SLC25A16: variants seen among roughly 807,000 people sequenced by gnomAD.
SLC25A16 encodes solute carrier family 25 member 16, also known as mitochondrial coenzyme A transporter SLC25A16.
A neutral mutation model predicts 41.5 loss-of-function variants in SLC25A16; 39 were observed. The ratio of observed to expected loss-of-function variants is 0.94; its 90% CI spans 0.73 to 1.23. SLC25A16 has a LOEUF of 1.23. Ranked by LOEUF, SLC25A16 falls within the 50% of genes most tolerant of loss-of-function variation. The pLI is 0.00. For synonymous variants in SLC25A16, 146 were observed against 147.8 expected (o/e 0.99, Z 0.09); for missense variants, 421 against 426.9 (o/e 0.99, Z 0.12).
chr10:68,501,969 G>A (rs1354922816), intron 4 of SLC25A16, among the ~76,000 whole-genome samples: 1 of 152,084 alleles, frequency 6.6e-6, no homozygotes, highest in Admixed American at 6.6e-5. Context: ...AGGCCAAGGC[G>A]GGTGGATACC....
chr10:68,494,857 CGA>C (rs2052724133), intron 4 of SLC25A16, among the ~76,000 whole-genome samples: 1 of 139,340 alleles, frequency 7.2e-6, no homozygotes, highest in Non-Finnish European at 1.5e-5. Flanking sequence ...CCAGCCCGGG[CGA>C]CAAGAGTAAA....
intron 4 of SLC25A16, 143 bp from the exon 5 acceptor site, chr10:68,493,713 A>G (rs1256858092): frequency 1.5e-6 from 1 of 661,702 alleles, no homozygotes; most frequent in Non-Finnish European, 2.6e-6. Flanking sequence ...GAATTATACC[A>G]TATCATTAGA....
At chr10:68,485,796 ATAT>A (rs1246561278) in intron 8 of SLC25A16, among the ~76,000 whole-genome samples, 2 of 138,808 alleles carry the variant, frequency 1.4e-5, no homozygotes, top group Non-Finnish European at 3.0e-5. Context: ...CTCCTAAGCA[ATAT>A]TTTTTTTTTT....
chr10:68,527,477 G>A lies in SLC25A16; in HGVS notation c.-102C>T, dbSNP rs914422463. ...TGACAGGAGGCTGACCGCCCCGCCGGCGGGGCAAAGTAACACCCGGCGGCG... is the reference window on the plus strand; with the variant it reads ...TGACAGGAGGCTGACCGCCCCGCCGACGGGGCAAAGTAACACCCGGCGGCG... On this transcript the variant is annotated 5_prime_UTR_variant, in exon 1 of 9. Transcript: ENST00000609923. 1.7e-6 allele frequency: 2 copies of A among 1,202,708 alleles called. No individual in the cohort carries two copies. Among genetic ancestry groups the A allele is most frequent in the East Asian group, 3.0e-5 (1 of 32,956 alleles). 74.5% of individuals were successfully genotyped at this position (1,202,708 alleles called of 1,614,324 possible).
chr10:68,491,187 T>A (rs181791256), intron 6 of SLC25A16, among the ~76,000 whole-genome samples: 173 of 151,636 alleles, frequency 1.1e-3, no homozygotes, highest in African/African-American at 4.1e-3. Flanking sequence ...CCACACCACA[T>A]TTTAGTTTGC....
intron 1 of SLC25A16, among the ~76,000 whole-genome samples, chr10:68,520,913 A>C (rs1306480370): frequency 1.3e-5 from 2 of 151,734 alleles, no homozygotes; most frequent in African/African-American, 2.4e-5. Flanking sequence ...AGGCGGGCAG[A>C]TCGCAAGGTC....
intron 4 of SLC25A16, among the ~76,000 whole-genome samples, 165 bp downstream of exon 4, chr10:68,503,467 T>C (rs2052892722): frequency 6.6e-6 from 1 of 152,202 alleles, no homozygotes; most frequent in South Asian, 2.1e-4. Context: ...ACACTTTTTA[T>C]TTTAATACAT....
chr10:68,501,448 TG>T lies in SLC25A16; in HGVS notation c.421+2183del, dbSNP rs199601136. On this transcript the variant is annotated intron_variant, in intron 4 of 8. Coordinates refer to ENST00000609923, the MANE Select transcript of SLC25A16 (RefSeq NM_152707.4). ...TGTAAACTCATCCCACTACTCAGCC[TG>T]GGTAACAGAACAAGAGCCTATCTCA... is the stretch of plus-strand genomic sequence containing the variant. Among the ~76,000 whole-genome samples, 960 of 148,864 alleles carry T rather than the reference TG, an allele frequency of 6.4e-3. 8 individuals carry two copies. The highest frequency in any genetic ancestry group is 0.023 in the African/African-American group (907 of 40,230).
intron 4 of SLC25A16, among the ~76,000 whole-genome samples, chr10:68,495,719 T>C (rs755625949): frequency 1.4e-5 from 2 of 141,254 alleles, no homozygotes; most frequent in Non-Finnish European, 3.0e-5. Flanking sequence ...GAGGCAGAGA[T>C]TGCAGTGAGC....
intron 1 of SLC25A16, among the ~76,000 whole-genome samples, chr10:68,520,686 C>T (rs1408287046): frequency 6.6e-6 from 1 of 151,998 alleles, no homozygotes; most frequent in Non-Finnish European, 1.5e-5. Flanking sequence ...GTGGCACATG[C>T]CTGTAATCCC....
Position 68,481,341 on chromosome 10 carries a change from C to T in SLC25A16, c.*2091G>A, listed in dbSNP as rs1043541892. The T allele has an allele frequency of 3.9e-5, 6 of 152,248 alleles. No individual in the cohort carries two copies. The highest frequency in any genetic ancestry group is 3.3e-4 in the Admixed American group (5 of 15,288). 9.4% of individuals were successfully genotyped at this position (152,248 alleles called of 1,614,324 possible). ...CTTATAAATCATACAAAGATACATA[C>T]TTATTTTTAAAATAAAGGCTTTCAA... On this transcript the variant is annotated 3_prime_UTR_variant, in exon 9 of 9. Transcript: ENST00000609923.
In SLC25A16 at chr10:68,482,357, T is replaced by C. The variant is rs1463853333; in HGVS notation, c.*1075A>G. The C allele has an allele frequency of 6.6e-6, 1 of 152,584 alleles. No individual in the cohort carries two copies. The highest frequency in any genetic ancestry group is 1.9e-4 in the East Asian group (1 of 5,204). 9.5% of individuals were successfully genotyped at this position (152,584 alleles called of 1,614,324 possible). On this transcript the variant is annotated 3_prime_UTR_variant, in exon 9 of 9. Transcript: ENST00000609923. Reference sequence around the variant, plus strand: ...AAACAGAATAAATGGAATTCTTACATTTTAAAACATTTTCTTAATATAAAG... The same window carrying C: ...AAACAGAATAAATGGAATTCTTACACTTTAAAACATTTTCTTAATATAAAG...
At chr10:68,506,478 T>C in intron 3 of SLC25A16, 107 bp downstream of exon 3, 4 of 798,708 alleles carry the variant, frequency 5.0e-6, no homozygotes, top group Non-Finnish European at 7.0e-6. Flanking sequence ...ATTTAACTTT[T>C]TAAAAATATG....
chr10:68,497,754 T>A (rs1400402347), intron 4 of SLC25A16, among the ~76,000 whole-genome samples: 4 of 151,978 alleles, frequency 2.6e-5, no homozygotes, highest in Non-Finnish European at 5.9e-5. Flanking sequence ...GTAGTTGGGA[T>A]TACAGGTGTG....
chr10:68,495,267 C>G (rs2052731048), intron 4 of SLC25A16, among the ~76,000 whole-genome samples: 1 of 151,766 alleles, frequency 6.6e-6, no homozygotes, highest in Non-Finnish European at 1.5e-5. Flanking sequence ...AAAAATTAAC[C>G]AGGTGTAATG....
intron 7 of SLC25A16, among the ~76,000 whole-genome samples, chr10:68,488,253 G>A (rs891397580): frequency 1.3e-4 from 20 of 151,962 alleles, no homozygotes; most frequent in Admixed American, 8.6e-4. Context: ...AAGTAGCTGG[G>A]ACAATAGGCA....
chr10:68,501,291 T>G (rs2052840579), intron 4 of SLC25A16, among the ~76,000 whole-genome samples: 1 of 151,884 alleles, frequency 6.6e-6, no homozygotes, highest in African/African-American at 2.4e-5. Flanking sequence ...ATTGAAAAAT[T>G]TGGAAACTTT....
intron 8 of SLC25A16, among the ~76,000 whole-genome samples, chr10:68,484,954 G>T (rs1189762979): frequency 1.3e-5 from 2 of 152,030 alleles, no homozygotes; most frequent in Non-Finnish European, 2.9e-5. Flanking sequence ...AAATCAAGAC[G>T]TGCTGTGAGT....
chr10:68,490,787 A>C (rs1041058451), intron 6 of SLC25A16, among the ~76,000 whole-genome samples: 1 of 152,162 alleles, frequency 6.6e-6, no homozygotes, highest in Non-Finnish European at 1.5e-5. Flanking sequence ...CTCAGAAGAA[A>C]ATTTTTTTGA....
Sources: gnomAD v4.1 joint callset for allele counts (sites outside exome capture counted in the v4.1 genomes callset) on GRCh38, gnomAD v4.1.1 for gene constraint, MANE v1.5 for transcripts, NCBI Gene and HGNC (gene_info 2026-07-23, HGNC 2026-07-21) for gene names.